GLI2: variants seen among roughly 807,000 people sequenced by gnomAD.
GLI2 encodes transcription activator GLI2.
In GLI2, 22 loss-of-function variants were observed where a neutral mutation model predicts 78.9. That is an observed-to-expected ratio of 0.28 (90% CI 0.20 to 0.40). GLI2 has a LOEUF of 0.40. GLI2 is among the 10% of genes least tolerant of loss of function. The pLI, the probability that GLI2 is intolerant of heterozygous loss-of-function variation, is 1.00. For missense variants in GLI2, 2,097 were observed against 2,213.2 expected, an observed-to-expected ratio of 0.95 and a Z score of 1.05; for synonymous variants, 974 against 963.7, an observed-to-expected ratio of 1.01 and a Z score of -0.20.
intron 2 of GLI2, among the ~76,000 whole-genome samples, chr2:120,848,128 G>A (rs1238444705): frequency 6.6e-6 from 1 of 152,228 alleles, no homozygotes; most frequent in Non-Finnish European, 1.5e-5. Context: ...CGCAGACCGC[G>A]CAGCGCGCAC....
intron 2 of GLI2, among the ~76,000 whole-genome samples, chr2:120,920,499 C>T (rs1320311214): frequency 6.6e-6 from 1 of 152,242 alleles, no homozygotes; most frequent in Non-Finnish European, 1.5e-5. Flanking sequence ...TCCTTGCCCC[C>T]TCACTGCCCT....
At chr2:120,927,675 C>G (rs1227196167) in intron 3 of GLI2, among the ~76,000 whole-genome samples, 1 of 152,202 alleles carries the variant, frequency 6.6e-6, no homozygotes, top group African/African-American at 2.4e-5. Context: ...CCAACCACCC[C>G]CGAGCCCACA....
intron 6 of GLI2, among the ~76,000 whole-genome samples, 182 bp downstream of exon 6, chr2:120,969,097 T>C (rs1050333283): frequency 2.0e-5 from 3 of 152,252 alleles, no homozygotes; most frequent in Non-Finnish European, 4.4e-5. Context: ...CAAATTGAAA[T>C]GAGCCCATAT....
intron 1 of GLI2, among the ~76,000 whole-genome samples, chr2:120,744,812 T>A (rs1682648762): frequency 6.6e-6 from 1 of 152,208 alleles, no homozygotes; most frequent in Non-Finnish European, 1.5e-5. Flanking sequence ...GGAAGCTTGT[T>A]AAATATTGCA....
chr2:120,826,724 A>G (rs1686081909), intron 2 of GLI2, among the ~76,000 whole-genome samples: 1 of 152,132 alleles, frequency 6.6e-6, no homozygotes, highest in African/African-American at 2.4e-5. Context: ...GGCCCATGGG[A>G]TTCCAATGCC....
intron 5 of GLI2, among the ~76,000 whole-genome samples, chr2:120,959,069 C>T (rs922506001): frequency 7.9e-5 from 12 of 152,220 alleles, no homozygotes; most frequent in African/African-American, 2.7e-4. Flanking sequence ...CTGGAAGGGG[C>T]TGGGGAGCAA....
At chr2:120,814,981 T>G (rs1685427192) in intron 2 of GLI2, among the ~76,000 whole-genome samples, 1 of 152,116 alleles carries the variant, frequency 6.6e-6, no homozygotes, top group Non-Finnish European at 1.5e-5. Flanking sequence ...CAGTGTCCTG[T>G]CCTGTCCTGT....
At chr2:120,816,180 GA>G (rs1360821847) in intron 2 of GLI2, among the ~76,000 whole-genome samples, 3 of 146,404 alleles carry the variant, frequency 2.0e-5, no homozygotes, top group Non-Finnish European at 4.5e-5. Flanking sequence ...AATTACTGAG[GA>G]CCCCAAAGAG....
Position 120,737,375 on chromosome 2 carries a change from T to C in GLI2, c.-31+1090T>C, listed in dbSNP as rs1322386257. On this transcript the variant is annotated intron_variant, in intron 1 of 13. Coordinates refer to ENST00000361492, the MANE Select transcript of GLI2 (RefSeq NM_001374353.1). This position sits in a 1 kb window ranked among gnomAD's most constrained non-coding sequence, Gnocchi z 4.3. ...GGGATGGAGCCCGTGCGCCTCACCC[T>C]GGGTGATCGGTCGCTGAGGCTCTCG... is the stretch of plus-strand genomic sequence containing the variant. Among the ~76,000 whole-genome samples the C allele has an allele frequency of 1.3e-5, 2 of 152,120 alleles. No individual in the cohort carries two copies. The highest frequency in any genetic ancestry group is 2.9e-5 in the Non-Finnish European group (2 of 68,018).
Position 120,991,908 on chromosome 2 carries a change from G to C in GLI2, c.*1233G>C, listed in dbSNP as rs779609443. On this transcript the variant is annotated 3_prime_UTR_variant, in exon 14 of 14. Transcript: ENST00000361492. The stretch of plus-strand genomic sequence containing the variant: ...GAGCATCGTTGAATTTTCCTGTTCA[G>C]TGTGACCAAGACCCACCTGGAAATG... 1 of 152,158 alleles carries C rather than the reference G, an allele frequency of 6.6e-6. No individual in the cohort carries two copies. Among genetic ancestry groups the C allele is most frequent in the Non-Finnish European group, 1.5e-5 (1 of 68,082 alleles). 9.4% of individuals were successfully genotyped at this position (152,158 alleles called of 1,614,324 possible).
At position 120,990,124 on chromosome 2, in the gene GLI2, G is replaced by A; in HGVS notation, c.4159G>A (p.Ala1387Thr). ...CGCCAGGGCCACAGGCCATGCCATG[G>A]CTGCCATGCCGTCCAGTCAGGAAAC... Reference protein sequence around the residue: ...AYARATGHAMAAMPSSQETAE... With the variant: ...AYARATGHAMTAMPSSQETAE... Residue 1387 changes from alanine (A) to threonine (T), a missense_variant, in exon 14 of 14, where the codon GCT becomes ACT. By Grantham distance (58) the Ala-to-Thr change is moderately conservative. Around this residue, in one of 5 missense-constraint regions of GLI2, gnomAD observed 1,290 missense variants for 1,261.7 expected, o/e 1.02. Transcript: ENST00000361492. 1 of 1,604,826 alleles carries A rather than the reference G, an allele frequency of 6.2e-7. No homozygotes were observed. The highest frequency in any genetic ancestry group is 1.3e-5 in the African/African-American group (1 of 74,914).
rs138815906 is a variant in GLI2 at position 120,833,263 on chromosome 2, A to G, written c.148+35795A>G. On this transcript the variant is annotated intron_variant, in intron 2 of 13. Transcript: ENST00000361492. ...GTTGCGGATTCTCAGGGCCAGAGGC[A>G]GTATAGCTGGGGGCCTGGCATTTGG... Among the ~76,000 whole-genome samples, 1,199 of 151,436 alleles carry G rather than the reference A, an allele frequency of 7.9e-3. 14 individuals carry two copies. Among genetic ancestry groups the G allele is most frequent in the African/African-American group, 0.028 (1,142 of 41,218 alleles).
At chr2:120,954,928 G>A (rs990256487) in intron 4 of GLI2, among the ~76,000 whole-genome samples, 1 of 152,124 alleles carries the variant, frequency 6.6e-6, no homozygotes, top group Non-Finnish European at 1.5e-5. Flanking sequence ...GGATCCTGTT[G>A]GCATGGGGCT....
In GLI2 at chr2:120,971,959, T is replaced by C. The variant is rs751191667; in HGVS notation, c.1078T>C (p.Ser360Pro). The C allele has an allele frequency of 6.8e-6, 11 of 1,613,644 alleles. No homozygotes were observed. Among genetic ancestry groups the C allele is most frequent in the Non-Finnish European group, 9.3e-6 (11 of 1,179,914 alleles). The stretch of plus-strand genomic sequence containing the variant: ...TCCTCAGAACAAGCAGAGCAGTGAG[T>C]CGGCCGTCAGCAGCACCGTCAACCC... ...DTNQNKQSSE[S>P]AVSSTVNPVA... The change falls in exon 8 of 14, where the codon TCG (serine) becomes CCG (proline). Residue 360 changes from serine to proline, a missense_variant. By Grantham distance (74) the Ser-to-Pro change is moderately conservative. This residue lies in a region of GLI2 where 578 missense variants were observed against 612.0 expected (regional missense o/e 0.94). Coordinates refer to ENST00000361492, the MANE Select transcript of GLI2 (RefSeq NM_001374353.1).
At chr2:120,963,520 G>A (rs1681687616) in intron 5 of GLI2, among the ~76,000 whole-genome samples, 3 of 144,636 alleles carry the variant, frequency 2.1e-5, no homozygotes, top group South Asian at 2.1e-4. Context: ...CCTGGGGTGT[G>A]TGTGTATGTG....
intron 2 of GLI2, among the ~76,000 whole-genome samples, chr2:120,899,001 G>T (rs541710841): frequency 6.6e-6 from 1 of 152,140 alleles, no homozygotes; most frequent in African/African-American, 2.4e-5. Flanking sequence ...AAGGGTCTGC[G>T]GTGGAGTCCT....
intron 2 of GLI2, among the ~76,000 whole-genome samples, chr2:120,922,859 G>A (rs1025691948): frequency 1.3e-5 from 2 of 152,118 alleles, no homozygotes; most frequent in African/African-American, 2.4e-5. Context: ...GGTAAGAGGT[G>A]CCACCTGCAG....
chr2:120,890,721 C>T (rs140735637), intron 2 of GLI2, among the ~76,000 whole-genome samples: 71 of 152,332 alleles, frequency 4.7e-4, no homozygotes, highest in Non-Finnish European at 4.9e-4. Flanking sequence ...ATGCGAATTA[C>T]GTCACGTGTC....
At chr2:120,761,143 C>T (rs1022495086) in intron 1 of GLI2, among the ~76,000 whole-genome samples, 1 of 152,180 alleles carries the variant, frequency 6.6e-6, no homozygotes, top group Non-Finnish European at 1.5e-5. Context: ...AGGAAAAAGA[C>T]AGGTGGCTAG....
Sources: allele counts gnomAD v4.1 joint callset (sites outside exome capture counted in the v4.1 genomes callset), GRCh38; gene constraint gnomAD v4.1.1; regional missense constraint gnomAD v4.1.1; non-coding constraint Gnocchi (gnomAD v3.1); transcripts MANE v1.5; gene names NCBI Gene and HGNC (gene_info 2026-07-23, HGNC 2026-07-21).